Variants in WNT16 observed in about 807,000 individuals in gnomAD.
WNT16 encodes the protein protein Wnt-16.
Under a neutral mutation model 35.4 loss-of-function variants are expected in WNT16, and 20 were observed. The ratio of observed to expected loss-of-function variants is 0.56; its 90% CI spans 0.40 to 0.82. WNT16 has a LOEUF of 0.82. Among genes scored for constraint, WNT16 ranks in the 40% least tolerant of loss-of-function variants. The probability of loss-of-function intolerance (pLI) is 0.00; values close to 1 mark genes in which losing one functional copy is unlikely to be tolerated. For missense variants in WNT16, 461 were observed against 466.0 expected (o/e 0.99, Z 0.10); for synonymous variants, 180 against 179.2 (o/e 1.00, Z -0.03).
At chr7:121,328,228 G>A (rs1214270517), upstream of WNT16, among the ~76,000 whole-genome samples, 2 of 152,148 alleles carry the variant, frequency 1.3e-5, no homozygotes, top group Non-Finnish European at 2.9e-5. Context: ...CTCCCACCAT[G>A]AGAATCGTAA....
intron 3 of WNT16, among the ~76,000 whole-genome samples, chr7:121,332,936 C>T (rs1344594290): frequency 6.6e-6 from 1 of 151,934 alleles, no homozygotes; most frequent in Non-Finnish European, 1.5e-5. Context: ...TATACATATT[C>T]ACATTAGTGA....
chr7:121,339,589 G>A lies in WNT16; in HGVS notation c.*244G>A. The stretch of plus-strand genomic sequence containing the variant: ...TTTATATTCACCTTTTGATGATTTG[G>A]GGAATATATATTGACATACAAGGAA... On this transcript the variant is annotated 3_prime_UTR_variant, in exon 4 of 4. Transcript: ENST00000222462. The A allele has an allele frequency of 2.0e-6, 1 of 502,602 alleles. No homozygotes were observed. The highest frequency in any genetic ancestry group is 3.5e-6 in the Non-Finnish European group (1 of 284,882). The allele number at this position is 502,602 out of a possible 1,614,324, so 31.1% of individuals were successfully genotyped here. A position where few individuals can be genotyped will look rare whatever the true frequency, so the allele number is the denominator to read the frequency against.
rs1011363870 is a variant in WNT16, at chr7:121,340,330, T to C, written c.*985T>C. 2 of 152,182 alleles carry C rather than the reference T, an allele frequency of 1.3e-5. No homozygotes were observed. Among genetic ancestry groups the C allele is most frequent in the East Asian group, 1.9e-4 (1 of 5,200 alleles). The allele number at this position is 152,182 out of a possible 1,614,324, so 9.4% of individuals were successfully genotyped here. ...CAGTACTTAAGTTATATGATTTATATTAAAACATTTATTGACAAAGCCTAA... is the reference window on the plus strand; with the variant it reads ...CAGTACTTAAGTTATATGATTTATACTAAAACATTTATTGACAAAGCCTAA... On this transcript the variant is annotated 3_prime_UTR_variant, in exon 4 of 4. Coordinates refer to ENST00000222462, the MANE Select transcript of WNT16 (RefSeq NM_057168.2).
chr7:121,328,116 C>T (rs544325861), upstream of WNT16, among the ~76,000 whole-genome samples: 2 of 152,192 alleles, frequency 1.3e-5, no homozygotes, highest in Non-Finnish European at 2.9e-5. Flanking sequence ...AATGTGTCTT[C>T]CATGTGTAGC....
Position 121,330,755 on chromosome 7 carries a change from AT to A in WNT16, c.347-922del, listed in dbSNP as rs1232950741. Among the ~76,000 whole-genome samples the A allele has an allele frequency of 3.9e-4, 60 of 151,978 alleles. No individual in the cohort carries two copies. In the Middle Eastern group the frequency reaches 0.017, roughly 43 times the overall value. ...AAAAAAAGAGACAGAAAGAAAAAAA[AT>A]AGATGTGTTTTTCACAGTTGCTGAA... On this transcript the variant is annotated intron_variant, in intron 2 of 3. Transcript: ENST00000222462.
chr7:121,329,300 G>C lies in WNT16; in HGVS notation c.8G>C (p.Arg3Thr), dbSNP rs1793296481. 2.5e-6 allele frequency: 4 copies of C among 1,575,108 alleles called. No homozygotes were observed. Among genetic ancestry groups the C allele is most frequent in the Non-Finnish European group, 3.4e-6 (4 of 1,161,014 alleles). ...GGACTCCATGCGGGGGCGATGGACA[G>C]GGCGGCGCTCCTGGGACTGGCCCGC... MDRAALLGLARLC... is the reference protein window; with the variant it reads MDTAALLGLARLC... The change falls in exon 1 of 4, where the codon AGG becomes ACG. Residue 3 changes from arginine (R) to threonine (T), a missense_variant. Transcript: ENST00000222462.
At chr7:121,330,383 T>C (rs941557028) in intron 2 of WNT16, among the ~76,000 whole-genome samples, 1 of 152,232 alleles carries the variant, frequency 6.6e-6, no homozygotes, top group Non-Finnish European at 1.5e-5. Context: ...CGCTTCTCGT[T>C]TCTTTGGCTT....
rs1256171732 is a variant in WNT16, at chr7:121,329,292, G to T, written c.-1G>T. ...GGGCTGGGGGACTCCATGCGGGGGCGATGGACAGGGCGGCGCTCCTGGGAC... is the reference window on the plus strand; with the variant it reads ...GGGCTGGGGGACTCCATGCGGGGGCTATGGACAGGGCGGCGCTCCTGGGAC... On this transcript the variant is annotated 5_prime_UTR_variant, in exon 1 of 4. Transcript: ENST00000222462. 1.9e-6 allele frequency: 3 copies of T among 1,566,216 alleles called. No homozygotes were observed. The highest frequency in any genetic ancestry group is 1.9e-5 in the Admixed American group (1 of 52,272).
chr7:121,339,365 G>A lies in WNT16; in HGVS notation c.*20G>A. 1 of 1,600,136 alleles carries A rather than the reference G, an allele frequency of 6.2e-7. No homozygotes were observed. Among genetic ancestry groups the A allele is most frequent in the Non-Finnish European group, 8.5e-7 (1 of 1,174,614 alleles). The stretch of plus-strand genomic sequence containing the variant: ...AAGTAACCACTCCATCCAGCCTTGG[G>A]CAAGATGCCTCAGCAATATACAATG... On this transcript the variant is annotated 3_prime_UTR_variant, in exon 4 of 4. Coordinates refer to ENST00000222462, the MANE Select transcript of WNT16 (RefSeq NM_057168.2).
At chr7:121,338,030 C>T (rs1014120528) in intron 3 of WNT16, among the ~76,000 whole-genome samples, 1 of 152,182 alleles carries the variant, frequency 6.6e-6, no homozygotes, top group Non-Finnish European at 1.5e-5. Context: ...GTAGCCCCTT[C>T]TCCTTTTGAC....
At chr7:121,326,031 C>T (rs1196191909), upstream of WNT16, among the ~76,000 whole-genome samples, 1 of 107,226 alleles carries the variant, frequency 9.3e-6, no homozygotes, top group Non-Finnish European at 1.8e-5. Flanking sequence ...AGAATGATAC[C>T]TCATCTCAAA....
upstream of WNT16, chr7:121,328,894 C>T (rs1279803550): frequency 7.7e-6 from 3 of 387,316 alleles, no homozygotes; most frequent in African/African-American, 6.5e-5. Context: ...CCTGAGGTCC[C>T]GAGATGATGA....
Position 121,339,409 on chromosome 7 carries a change from T to G in WNT16, c.*64T>G. On this transcript the variant is annotated 3_prime_UTR_variant, in exon 4 of 4. Coordinates refer to ENST00000222462, the MANE Select transcript of WNT16 (RefSeq NM_057168.2). ...TACAATGGCATTGCAACCAGAGAGGTGCCCATCCCTGTGCAGCGCTAGTAA... is the reference window on the plus strand; with the variant it reads ...TACAATGGCATTGCAACCAGAGAGGGGCCCATCCCTGTGCAGCGCTAGTAA... 6.9e-7 allele frequency: 1 copy of G among 1,457,504 alleles called. No homozygotes were observed. Among genetic ancestry groups the G allele is most frequent in the Non-Finnish European group, 9.3e-7 (1 of 1,071,008 alleles). 90.3% of individuals were successfully genotyped at this position (1,457,504 alleles called of 1,614,324 possible). A position where few individuals can be genotyped will look rare whatever the true frequency, so the allele number is the denominator to read the frequency against.
intron 3 of WNT16, among the ~76,000 whole-genome samples, chr7:121,338,565 G>C (rs1372786833): frequency 3.9e-5 from 6 of 152,126 alleles, no homozygotes; most frequent in Admixed American, 3.3e-4. Context: ...TTAGACCGGG[G>C]ATTAGAAATA....
Position 121,331,920 on chromosome 7 carries a change from G to T in WNT16, c.589G>T (p.Val197Leu). 1 of 1,614,136 alleles carries T rather than the reference G, an allele frequency of 6.2e-7. No homozygotes were observed. Among genetic ancestry groups the T allele is most frequent in the Non-Finnish European group, 8.5e-7 (1 of 1,180,024 alleles). Residue 197 changes from valine (V) to leucine (L), a missense_variant, in exon 3 of 4, where the codon GTA (valine) becomes TTA (leucine). Physicochemically the swap from Val to Leu is conservative, Grantham distance 32. Transcript: ENST00000222462. Reference protein sequence around the residue: ...IGNTTGKENKVLLAMNLHNNE... With the variant: ...IGNTTGKENKLLLAMNLHNNE... ...AAACACCACGGGCAAAGAAAACAAA[G>T]TACTATTAGCAATGAACCTACATAA...
At chr7:121,338,746 A>G in intron 3 of WNT16, 135 bp from the exon 4 acceptor site, 1 of 792,110 alleles carries the variant, frequency 1.3e-6, no homozygotes, top group East Asian at 2.7e-5. Context: ...TTTAAAGATT[A>G]TTTACGTTCA....
At chr7:121,335,823 C>T (rs375566638) in intron 3 of WNT16, among the ~76,000 whole-genome samples, 36 of 152,116 alleles carry the variant, frequency 2.4e-4, no homozygotes, top group African/African-American at 7.5e-4. Flanking sequence ...GTAAGATAAA[C>T]GTCTTAATCA....
rs1190133301 is a variant in WNT16 at position 121,329,725 on chromosome 7, T to C, written c.254T>C (p.Phe85Ser). 1 of 1,612,622 alleles carries C rather than the reference T, an allele frequency of 6.2e-7. No homozygotes were observed. Among genetic ancestry groups the C allele is most frequent in the South Asian group, 1.1e-5 (1 of 91,082 alleles). Residue 85 changes from phenylalanine (F) to serine (S), a missense_variant, in exon 2 of 4, where the codon TTC (phenylalanine) becomes TCC (serine). Coordinates refer to ENST00000222462, the MANE Select transcript of WNT16 (RefSeq NM_057168.2). Reference sequence around the variant, plus strand: ...GGCATTCAGGAGTGCGGGAGCCAGTTCAGACACGAGAGATGGAACTGCATG... The same window carrying C: ...GGCATTCAGGAGTGCGGGAGCCAGTCCAGACACGAGAGATGGAACTGCATG... ...RLGIQECGSQFRHERWNCMIT... is the reference protein window; with the variant it reads ...RLGIQECGSQSRHERWNCMIT...
intron 3 of WNT16, 50 bp from the exon 4 acceptor site, chr7:121,338,831 A>G: frequency 4.0e-6 from 6 of 1,500,258 alleles, no homozygotes; most frequent in Non-Finnish European, 5.4e-6. Flanking sequence ...TCTGTTGTTG[A>G]GTAAAACACT....
Sources: gnomAD v4.1 joint callset for allele counts (sites outside exome capture counted in the v4.1 genomes callset) on GRCh38, gnomAD v4.1.1 for gene constraint, MANE v1.5 for transcripts, NCBI Gene and HGNC (gene_info 2026-07-23, HGNC 2026-07-21) for gene names.